Variants in ATP8A2 observed in about 807,000 individuals in gnomAD.
ATP8A2 encodes the protein ATPase phospholipid transporting 8A2, also known as phospholipid-transporting ATPase IB.
Under a neutral mutation model 165.6 loss-of-function variants are expected in ATP8A2, and 100 were observed. The ratio of observed to expected loss-of-function variants is 0.60; its 90% CI spans 0.51 to 0.71. The LOEUF (loss-of-function observed/expected upper bound fraction) is 0.71, where lower values mean the gene tolerates loss of function less well. ATP8A2 is among the 30% of genes least tolerant of loss of function. ATP8A2 has a pLI of 0.00. For synonymous variants in ATP8A2, 543 were observed against 548.8 expected (o/e 0.99, Z 0.15); for missense variants, 1,227 against 1,479.5 (o/e 0.83, Z 2.80).
intron 33 of ATP8A2, among the ~76,000 whole-genome samples, chr13:25,919,743 T>C (rs1954388026): frequency 6.6e-6 from 1 of 152,208 alleles, no homozygotes; most frequent in Non-Finnish European, 1.5e-5. Context: ...ATCTTTCTTA[T>C]AGACCTCTCT....
At chr13:25,697,507 T>C (rs997871433) in intron 24 of ATP8A2, among the ~76,000 whole-genome samples, 2 of 152,182 alleles carry the variant, frequency 1.3e-5, no homozygotes, top group African/African-American at 4.8e-5. Flanking sequence ...TCTTGAATTC[T>C]TGACCTCAAG....
chr13:25,684,008 T>G (rs1415466424), intron 24 of ATP8A2, among the ~76,000 whole-genome samples: 1 of 152,214 alleles, frequency 6.6e-6, no homozygotes, highest in Non-Finnish European at 1.5e-5. Context: ...TATTTGTTTC[T>G]CCAACTGTCT....
At chr13:25,402,889 A>G (rs1034343106) in intron 1 of ATP8A2, among the ~76,000 whole-genome samples, 1 of 152,186 alleles carries the variant, frequency 6.6e-6, no homozygotes, top group South Asian at 2.1e-4. Flanking sequence ...GTCCCAGATC[A>G]AGGCACAGCC....
intron 1 of ATP8A2, among the ~76,000 whole-genome samples, chr13:25,409,081 T>C (rs1467135261): frequency 1.3e-5 from 2 of 152,212 alleles, no homozygotes; most frequent in African/African-American, 4.8e-5. Flanking sequence ...TTTTGATCTT[T>C]CTGTAAAGCC....
intron 25 of ATP8A2, among the ~76,000 whole-genome samples, chr13:25,749,343 G>A (rs550587031): frequency 5.5e-4 from 83 of 152,282 alleles, no homozygotes; most frequent in African/African-American, 1.7e-3. Flanking sequence ...AGGGCCTGAC[G>A]GAGATGGGAG....
chr13:25,987,490 C>T (rs1318342210), intron 35 of ATP8A2, among the ~76,000 whole-genome samples: 4 of 152,336 alleles, frequency 2.6e-5, no homozygotes, highest in Admixed American at 2.6e-4. Flanking sequence ...CATTGTCTGT[C>T]CATGTGCTGA....
chr13:25,706,547 A>C (rs1427094601), intron 25 of ATP8A2, among the ~76,000 whole-genome samples: 20 of 152,238 alleles, frequency 1.3e-4, no homozygotes, highest in Admixed American at 1.3e-3. Flanking sequence ...TGTGAACTAC[A>C]CACAGAATTA....
intron 1 of ATP8A2, among the ~76,000 whole-genome samples, chr13:25,381,837 C>G (rs1388157551): frequency 6.6e-6 from 1 of 152,132 alleles, no homozygotes; most frequent in Non-Finnish European, 1.5e-5. Flanking sequence ...CTCTTCTACG[C>G]AGGATGATAT....
chr13:25,960,033 C>A (rs1955622565), intron 33 of ATP8A2, among the ~76,000 whole-genome samples: 1 of 152,210 alleles, frequency 6.6e-6, no homozygotes, highest in South Asian at 2.1e-4. Flanking sequence ...AACTTCACTG[C>A]TTTTTGGTTT....
intron 25 of ATP8A2, among the ~76,000 whole-genome samples, chr13:25,733,519 C>G (rs896867607): frequency 8.7e-6 from 1 of 115,492 alleles, no homozygotes; most frequent in African/African-American, 3.1e-5. Flanking sequence ...CAAAAAGATA[C>G]TGGGAACCTC....
intron 24 of ATP8A2, among the ~76,000 whole-genome samples, chr13:25,610,962 A>G (rs1330397264): frequency 1.4e-5 from 2 of 140,710 alleles, no homozygotes; most frequent in East Asian, 2.0e-4. Context: ...CTGTTGGTGT[A>G]TAGAAGAACT....
intron 25 of ATP8A2, chr13:25,705,463 G>C (rs1442323386): frequency 6.2e-6 from 1 of 162,218 alleles, no homozygotes; most frequent in South Asian, 1.7e-4. Context: ...GGATTTCCAC[G>C]GGATGTGCAA....
intron 24 of ATP8A2, among the ~76,000 whole-genome samples, chr13:25,642,993 C>G (rs2041572419): frequency 1.3e-5 from 2 of 152,014 alleles, no homozygotes; most frequent in African/African-American, 4.8e-5. Flanking sequence ...TGTACTCACT[C>G]ATAGGTGGGA....
At chr13:25,579,409 C>G (rs1446080472) in intron 21 of ATP8A2, among the ~76,000 whole-genome samples, 4 of 152,196 alleles carry the variant, frequency 2.6e-5, no homozygotes, top group African/African-American at 9.6e-5. Flanking sequence ...TGCTCACACA[C>G]ACGCATGGGT....
Position 25,961,625 on chromosome 13 carries a change from T to C in ATP8A2, c.3234T>C (p.Val1078=), listed in dbSNP as rs1955661800. The C allele has an allele frequency of 1.2e-6, 2 of 1,614,114 alleles. No individual in the cohort carries two copies. ...ACTTCTGGTTGGGATTATTTCTGGT[T>C]CCTACTGCCTGTTTGATTGAAGATG... ...SAHFWLGLFL[V]PTACLIEDVA... is the part of the protein sequence containing the mutation. Residue 1078 remains valine, a synonymous_variant, in exon 34 of 37, where the codon GTT becomes GTC. Transcript: ENST00000381655.
intron 24 of ATP8A2, among the ~76,000 whole-genome samples, chr13:25,669,010 G>C (rs1412305456): frequency 1.3e-5 from 2 of 151,930 alleles, no homozygotes; most frequent in Non-Finnish European, 2.9e-5. Context: ...TAAAGTTGTT[G>C]TCTAGTAAGC....
Position 25,529,974 on chromosome 13 carries a change from G to A in ATP8A2, c.222-25G>A, listed in dbSNP as rs567270911. ...TTAGAGTTTACATCTATAACTGATAGTATTATTTTTCTTTGCACTTACAGT... is the reference window on the plus strand; with the variant it reads ...TTAGAGTTTACATCTATAACTGATAATATTATTTTTCTTTGCACTTACAGT... On this transcript the variant is annotated intron_variant, in intron 2 of 36. Transcript: ENST00000381655. 14 of 1,332,684 alleles carry A rather than the reference G, an allele frequency of 1.1e-5. No individual in the cohort carries two copies. In the East Asian group the frequency reaches 2.8e-4, roughly 26 times the overall value. 82.6% of individuals were successfully genotyped at this position (1,332,684 alleles called of 1,614,324 possible).
intron 33 of ATP8A2, among the ~76,000 whole-genome samples, chr13:25,900,071 T>A (rs760923405): frequency 2.6e-5 from 4 of 152,242 alleles, no homozygotes; most frequent in South Asian, 2.1e-4. Flanking sequence ...AGAGCTTTAT[T>A]TCTCATAAAG....
chr13:25,906,671 C>T (rs1394833421), intron 33 of ATP8A2, among the ~76,000 whole-genome samples: 2 of 152,098 alleles, frequency 1.3e-5, no homozygotes, highest in African/African-American at 4.8e-5. Flanking sequence ...TCTGTCACTG[C>T]TTCTACTTAA....
Sources: gnomAD v4.1 joint callset for allele counts (sites outside exome capture counted in the v4.1 genomes callset) on GRCh38, gnomAD v4.1.1 for gene constraint, MANE v1.5 for transcripts, NCBI Gene and HGNC (gene_info 2026-07-23, HGNC 2026-07-21) for gene names.